The following IL17RA variants were observed in gnomAD, a reference collection of about 807,000 sequenced individuals.
IL17RA encodes the protein interleukin 17 receptor A, also known as interleukin-17 receptor A.
A neutral mutation model predicts 50.4 loss-of-function variants in IL17RA; 34 were observed. That is an observed-to-expected ratio of 0.67 (90% CI 0.51 to 0.90). The LOEUF (loss-of-function observed/expected upper bound fraction) is 0.90, where lower values mean the gene tolerates loss of function less well. Ranked by LOEUF, IL17RA falls within the 40% of genes least tolerant of loss-of-function variation. IL17RA has a pLI of 0.00. For missense variants in IL17RA, 1,276 were observed against 1,169.8 expected (o/e 1.09, Z -1.32); for synonymous variants, 585 against 510.4 (o/e 1.15, Z -1.97).
rs764883073 is a variant in IL17RA, at chr22:17,109,310, G to A, written c.2091G>A (p.Ala697=). The A allele has an allele frequency of 8.5e-6, 13 of 1,532,150 alleles. No individual in the cohort carries two copies. Among genetic ancestry groups the A allele is most frequent in the South Asian group, 2.4e-5 (2 of 83,616 alleles). The allele number at this position is 1,532,150 out of a possible 1,614,324, so 94.9% of individuals were successfully genotyped here. ...GTGCCGCAGTCCGGCTGGCACTGGC[G>A]GGGGAGGGCGAGGCCTGCCCGCTGC... ...ADGAAVRLAL[A]GEGEACPLLG... is the part of the protein sequence containing the mutation. The change falls in exon 13 of 13, where the codon GCG becomes GCA. Residue 697 remains alanine, a synonymous_variant. Coordinates refer to ENST00000319363, the MANE Select transcript of IL17RA (RefSeq NM_014339.7).
chr22:17,102,283 A>T lies in IL17RA; in HGVS notation c.743A>T (p.His248Leu). The change falls in exon 7 of 13, where the codon CAC (histidine) becomes CTC (leucine). Residue 248 changes from histidine (H) to leucine (L), a missense_variant. His to Leu is a moderately conservative substitution (Grantham distance 99). Coordinates refer to ENST00000319363, the MANE Select transcript of IL17RA (RefSeq NM_014339.7). ...ATGGAGAACCACAGTTGCTTTGAGCACATGCACCACATACCTGCGGTAACT... is the reference window on the plus strand; with the variant it reads ...ATGGAGAACCACAGTTGCTTTGAGCTCATGCACCACATACCTGCGGTAACT... Reference protein sequence around the residue: ...PHMENHSCFEHMHHIPAPRPE... With the variant: ...PHMENHSCFELMHHIPAPRPE... The T allele has an allele frequency of 6.2e-7, 1 of 1,614,202 alleles. No individual in the cohort carries two copies. Among genetic ancestry groups the T allele is most frequent in the Non-Finnish European group, 8.5e-7 (1 of 1,180,040 alleles).
intron 4 of IL17RA, among the ~76,000 whole-genome samples, chr22:17,099,773 T>G (rs1248935777): frequency 6.6e-6 from 1 of 152,150 alleles, no homozygotes; most frequent in Admixed American, 6.5e-5. Flanking sequence ...GAATGGGGGT[T>G]GGAGTCGATG....
chr22:17,095,309 A>G (rs1389466955), intron 1 of IL17RA, among the ~76,000 whole-genome samples: 2 of 152,248 alleles, frequency 1.3e-5, no homozygotes, highest in Admixed American at 1.3e-4. Context: ...TGCAACCACA[A>G]CTATCAGAAA....
rs2061459843 is a variant in IL17RA, at chr22:17,114,711, G to A, written c.*4891G>A. On this transcript the variant is annotated 3_prime_UTR_variant, in exon 13 of 13. Coordinates refer to ENST00000319363, the MANE Select transcript of IL17RA (RefSeq NM_014339.7). Reference sequence around the variant, plus strand: ...GGGATTCTCTCAGAAGATGAAAACAGCCCCTGCTTTTTTGCTAGAATGGCT... The same window carrying A: ...GGGATTCTCTCAGAAGATGAAAACAACCCCTGCTTTTTTGCTAGAATGGCT... 1 of 152,222 alleles carries A rather than the reference G, an allele frequency of 6.6e-6. No individual in the cohort carries two copies. The highest frequency in any genetic ancestry group is 2.4e-5 in the African/African-American group (1 of 41,446). 9.4% of individuals were successfully genotyped at this position (152,222 alleles called of 1,614,324 possible). A position where few individuals can be genotyped will look rare whatever the true frequency, so the allele number is the denominator to read the frequency against.
At chr22:17,098,046 G>T (rs1177056517) in intron 3 of IL17RA, 103 bp downstream of exon 3, 3 of 1,411,502 alleles carry the variant, frequency 2.1e-6, no homozygotes, top group East Asian at 2.3e-5. Flanking sequence ...CTCAGACATG[G>T]GGGTTCAAAT....
chr22:17,108,475 C>G lies in IL17RA; in HGVS notation c.1256C>G (p.Ala419Gly), dbSNP rs1263027029. Reference sequence around the variant, plus strand: ...GCCCTGGACCTGCTGGAAGAGCAGGCCATCTCGGAGGCAGGAGTCATGACC... The same window carrying G: ...GCCCTGGACCTGCTGGAAGAGCAGGGCATCTCGGAGGCAGGAGTCATGACC... ...EVALDLLEEQ[A>G]ISEAGVMTWV... Residue 419 changes from alanine to glycine, a missense_variant, in exon 13 of 13, where the codon GCC becomes GGC. Physicochemically the swap from Ala to Gly is moderately conservative, Grantham distance 60. Transcript: ENST00000319363. 14 of 1,613,464 alleles carry G rather than the reference C, an allele frequency of 8.7e-6. No homozygotes were observed. The highest frequency in any genetic ancestry group is 1.2e-5 in the Non-Finnish European group (14 of 1,180,052).
intron 1 of IL17RA, among the ~76,000 whole-genome samples, chr22:17,089,566 A>T (rs1203986015): frequency 1.3e-5 from 2 of 152,176 alleles, no homozygotes; most frequent in African/African-American, 2.4e-5. Context: ...GCTCATAGAT[A>T]ATATTCTGAT....
rs1184352764 is a variant in IL17RA, at chr22:17,113,232, T to C, written c.*3412T>C. ...TTGTTTTTAAGTCAGGGTCTCTCTG[T>C]CACCAGGCTGTATTACAGTGGTGCA... On this transcript the variant is annotated 3_prime_UTR_variant, in exon 13 of 13. Transcript: ENST00000319363. 2 of 152,238 alleles carry C rather than the reference T, an allele frequency of 1.3e-5. No homozygotes were observed. Among genetic ancestry groups the C allele is most frequent in the Non-Finnish European group, 2.9e-5 (2 of 68,074 alleles). The allele number at this position is 152,238 out of a possible 1,614,324, so 9.4% of individuals were successfully genotyped here.
At chr22:17,097,998 C>T in intron 3 of IL17RA, 55 bp downstream of exon 3, 1 of 1,608,132 alleles carries the variant, frequency 6.2e-7, no homozygotes. Flanking sequence ...CCAAGTGGCT[C>T]TCCCAGTCAG....
chr22:17,097,895 G>A lies in IL17RA; in HGVS notation c.262G>A (p.Gly88Arg). 6.2e-7 allele frequency: 1 copy of A among 1,614,180 alleles called. No homozygotes were observed. The highest frequency in any genetic ancestry group is 8.5e-7 in the Non-Finnish European group (1 of 1,180,040). The part of the protein sequence containing the change: ...IQLHFAHTQQ[G>R]DLFPVAHIEW... ...GCTGCACTTTGCCCACACCCAACAA[G>A]GAGACCTGTTCCCCGTGGCTCACAT... Residue 88 changes from glycine to arginine, a missense_variant, in exon 3 of 13, where the codon GGA becomes AGA. Gly to Arg is a moderately radical substitution (Grantham distance 125). Transcript: ENST00000319363.
intron 8 of IL17RA, among the ~76,000 whole-genome samples, 166 bp from the exon 9 acceptor site, chr22:17,104,560 C>T (rs568686550): frequency 2.0e-5 from 3 of 152,252 alleles, no homozygotes; most frequent in Non-Finnish European, 2.9e-5. Flanking sequence ...CCCACCCTCA[C>T]CTGGGCAGGG....
At chr22:17,090,745 G>A (rs1173923465) in intron 1 of IL17RA, among the ~76,000 whole-genome samples, 1 of 152,098 alleles carries the variant, frequency 6.6e-6, no homozygotes, top group Non-Finnish European at 1.5e-5. Context: ...TAAATTAATA[G>A]TCAGCATTTA....
Position 17,108,971 on chromosome 22 carries a change from G to A in IL17RA, c.1752G>A (p.Trp584Ter). The A allele has an allele frequency of 1.2e-6, 2 of 1,605,410 alleles. No homozygotes were observed. The highest frequency in any genetic ancestry group is 1.7e-6 in the Non-Finnish European group (2 of 1,178,954). Residue 584 changes from tryptophan (W) to a stop codon, truncating the protein, a stop_gained, in exon 13 of 13, where the codon TGG becomes TGA. Transcript: ENST00000319363. LOFTEE classifies it low-confidence loss of function (END_TRUNC). ...ACTGGCAGGTCCGCTGTCCCGACTG[G>A]TTCGAATGTGAGAACCTCTACTCAG... ...FRDWQVRCPDWFECENLYSAD... is the reference protein window; with the variant it reads ...FRDWQVRCPD
In IL17RA at chr22:17,102,010, A is replaced by G. The variant is rs774179962; in HGVS notation, c.565A>G (p.Arg189Gly). The change falls in exon 6 of 13, where the codon AGG becomes GGG. Residue 189 changes from arginine (R) to glycine (G), a missense_variant. Coordinates refer to ENST00000319363, the MANE Select transcript of IL17RA (RefSeq NM_014339.7). ...NFLVPDCEHA[R>G]MKVTTPCMSS... ...TGGGTCGACAGACTGTGAGCACGCC[A>G]GGATGAAGGTAACCACGCCATGCAT... The G allele has an allele frequency of 6.2e-7, 1 of 1,614,148 alleles. No homozygotes were observed. Among genetic ancestry groups the G allele is most frequent in the Admixed American group, 1.7e-5 (1 of 60,008 alleles).
At chr22:17,093,744 TG>T (rs1232789005) in intron 1 of IL17RA, 1 of 193,684 alleles carries the variant, frequency 5.2e-6, no homozygotes, top group East Asian at 1.2e-4. Flanking sequence ...GGACACAGTA[TG>T]GAACGTTCCT....
intron 5 of IL17RA, 147 bp from the exon 6 acceptor site, chr22:17,101,849 G>A: frequency 1.1e-6 from 1 of 899,858 alleles, no homozygotes; most frequent in Non-Finnish European, 1.8e-6. Flanking sequence ...TGCCAAGGTG[G>A]GTCCAGCCCT....
rs1209648727 is a variant in IL17RA, at chr22:17,110,403, CAGG to C, written c.*586_*588del. The C allele has an allele frequency of 6.3e-6, 1 of 159,330 alleles. No individual in the cohort carries two copies. Among genetic ancestry groups the C allele is most frequent in the Non-Finnish European group, 1.4e-5 (1 of 72,724 alleles). The allele number at this position is 159,330 out of a possible 1,614,324, so 9.9% of individuals were successfully genotyped here. On this transcript the variant is annotated 3_prime_UTR_variant, in exon 13 of 13. Transcript: ENST00000319363. ...GTCCTAGCTACTTGGGAGGCTGAGGCAGGAGAATTGCTTGAATCTGGGAGGCAG... is the reference window on the plus strand; with the variant it reads ...GTCCTAGCTACTTGGGAGGCTGAGGCAGAATTGCTTGAATCTGGGAGGCAG...
rs1013047079 is a variant in IL17RA at position 17,113,158 on chromosome 22, T to A, written c.*3338T>A. 1.3e-5 allele frequency: 2 copies of A among 152,108 alleles called. No homozygotes were observed. The highest frequency in any genetic ancestry group is 4.8e-5 in the African/African-American group (2 of 41,398). The allele number at this position is 152,108 out of a possible 1,614,324, so 9.4% of individuals were successfully genotyped here. ...GAGCTGGGATCTCTGAATGCAAGGG[T>A]ATGATGGATATACTTCTTTCTTGCT... On this transcript the variant is annotated 3_prime_UTR_variant, in exon 13 of 13. Coordinates refer to ENST00000319363, the MANE Select transcript of IL17RA (RefSeq NM_014339.7).
At chr22:17,101,558 C>T (rs1280806271) in intron 5 of IL17RA, among the ~76,000 whole-genome samples, 1 of 152,164 alleles carries the variant, frequency 6.6e-6, no homozygotes, top group African/African-American at 2.4e-5. Flanking sequence ...AGTTGGTGCT[C>T]AATATGTATT....
Sources: allele counts gnomAD v4.1 joint callset (sites outside exome capture counted in the v4.1 genomes callset), GRCh38; gene constraint gnomAD v4.1.1; transcripts MANE v1.5; gene names NCBI Gene and HGNC (gene_info 2026-07-23, HGNC 2026-07-21).